ENTPD5: variants seen among roughly 807,000 people sequenced by gnomAD.
ENTPD5 encodes the protein nucleoside diphosphate phosphatase ENTPD5.
In ENTPD5, 49 loss-of-function variants were observed where a neutral mutation model predicts 60.2. That is an observed-to-expected ratio of 0.81 (90% confidence interval 0.65 to 1.03). ENTPD5 has a LOEUF of 1.03. Among genes scored for constraint, ENTPD5 ranks in the 50% least tolerant of loss-of-function variants. The probability of loss-of-function intolerance (pLI) is 0.00; values close to 1 mark genes in which losing one functional copy is unlikely to be tolerated. For synonymous variants in ENTPD5, 187 were observed against 185.4 expected, an observed-to-expected ratio of 1.01 and a Z score of -0.07; for missense variants, 480 against 507.6, an observed-to-expected ratio of 0.95 and a Z score of 0.52.
chr14:73,982,546 G>C (rs947399692), intron 6 of ENTPD5, among the ~76,000 whole-genome samples: 5 of 151,950 alleles, frequency 3.3e-5, no homozygotes, highest in Non-Finnish European at 7.4e-5. Context: ...CACGAGGTCA[G>C]GAGATCGAGA....
At chr14:73,995,085 A>G (rs2058291426) in intron 3 of ENTPD5, among the ~76,000 whole-genome samples, 2 of 146,180 alleles carry the variant, frequency 1.4e-5, no homozygotes, top group South Asian at 2.1e-4. Flanking sequence ...GTCTTGCTCT[A>G]TCACCCAGGC....
chr14:73,958,020 A>G (rs1594800418), downstream of ENTPD5: 1 of 811,234 alleles, frequency 1.2e-6, no homozygotes, highest in East Asian at 2.5e-5. Flanking sequence ...TTAATTACTG[A>G]TTTTTTTAAT....
downstream of ENTPD5, chr14:73,959,366 C>CAAGTGCA: frequency 6.2e-7 from 1 of 1,614,122 alleles, no homozygotes; most frequent in Non-Finnish European, 8.5e-7. Context: ...TGAGAGTTTC[C>CAAGTGCA]AAGTGCAGCA....
intron 3 of ENTPD5, among the ~76,000 whole-genome samples, chr14:74,007,987 T>G (rs1041693234): frequency 6.6e-6 from 1 of 151,724 alleles, no homozygotes; most frequent in Non-Finnish European, 1.5e-5. Context: ...CCCGCCACCA[T>G]GCTCAGCTAA....
chr14:74,017,175 G>T (rs766673430), intron 1 of ENTPD5, among the ~76,000 whole-genome samples: 2 of 152,058 alleles, frequency 1.3e-5, no homozygotes, highest in African/African-American at 2.4e-5. Flanking sequence ...AAAAGTAGCC[G>T]GGCATGGTGG....
Position 73,986,657 on chromosome 14 carries a change from G to A in ENTPD5, c.297+157C>T, listed in dbSNP as rs1304125049. ...CCCAGCCCTCATGAGCGTGGGAAAT[G>A]TAATTAATTTTATCCAGGAGATTAG... On this transcript the variant is annotated intron_variant, in intron 5 of 15. Transcript: ENST00000334696. The A allele has an allele frequency of 1.1e-5, 7 of 639,030 alleles. No individual in the cohort carries two copies. The East Asian group carries it at 1.9e-4, about 17-fold the overall frequency. 39.6% of individuals were successfully genotyped at this position (639,030 alleles called of 1,614,324 possible). A position where few individuals can be genotyped will look rare whatever the true frequency, so the allele number is the denominator to read the frequency against.
chr14:73,963,116 TC>T (rs768964719), downstream of ENTPD5: 9 of 913,266 alleles, frequency 9.9e-6, 1 homozygote, highest in East Asian at 2.4e-4. Context: ...ATTAAAATTC[TC>T]TTTTTCTTCT....
At position 73,993,903 on chromosome 14, in the gene ENTPD5, T is replaced by C. The variant is rs2058235861; in HGVS notation, c.-70-5731A>G. ...AAGGTGAAAAAAAACATCCTAGGTA[T>C]CTGTTTTCACGAAAAAACAAACAAA... On this transcript the variant is annotated intron_variant, in intron 3 of 15. Transcript: ENST00000334696. Among the ~76,000 whole-genome samples, 2 of 144,216 alleles carry C rather than the reference T, an allele frequency of 1.4e-5. 1 individual carries two copies. Among genetic ancestry groups the C allele is most frequent in the South Asian group, 4.5e-4 (2 of 4,400 alleles). The allele number at this position is 144,216 out of a possible 152,430, so 94.6% of individuals were successfully genotyped here.
downstream of ENTPD5, chr14:73,963,162 T>C (rs929222833): frequency 9.8e-6 from 7 of 717,520 alleles, no homozygotes; most frequent in African/African-American, 5.3e-5. Context: ...AAATAATGAA[T>C]GATAATTTGC....
intron 3 of ENTPD5, among the ~76,000 whole-genome samples, chr14:74,009,904 G>A (rs2058794871): frequency 1.3e-5 from 2 of 151,922 alleles, no homozygotes; most frequent in South Asian, 4.1e-4. Context: ...CCATTCTCCT[G>A]CCACAGCCTC....
chr14:73,988,400 A>G (rs2057992862), intron 3 of ENTPD5, among the ~76,000 whole-genome samples: 1 of 152,210 alleles, frequency 6.6e-6, no homozygotes, highest in Non-Finnish European at 1.5e-5. Context: ...GTTTTTAAAA[A>G]TACAGAGTAA....
intron 2 of ENTPD5, among the ~76,000 whole-genome samples, chr14:74,012,307 AT>A (rs1468738455): frequency 1.3e-5 from 2 of 151,606 alleles, no homozygotes; most frequent in African/African-American, 4.9e-5. Context: ...GGGTTTCATT[AT>A]GTTGGCCAGG....
chr14:74,014,121 T>A (rs61366903), intron 2 of ENTPD5, among the ~76,000 whole-genome samples: 20,815 of 152,122 alleles, frequency 0.14, 2,008 homozygotes, highest in East Asian at 0.57. Flanking sequence ...TGGGATATTT[T>A]GCAAATAAAG....
chr14:73,976,455 G>A, intron 8 of ENTPD5, 43 bp from the exon 9 acceptor site: 3 of 1,489,094 alleles, frequency 2.0e-6, no homozygotes, highest in South Asian at 1.1e-5. Flanking sequence ...GACATCCTGG[G>A]CAGCCCAACA....
intron 1 of ENTPD5, chr14:74,018,968 C>A: frequency 6.5e-6 from 1 of 154,084 alleles, no homozygotes; most frequent in Non-Finnish European, 1.4e-5. Context: ...GGGGCGAGGG[C>A]AAGGTAGCCG....
intron 15 of ENTPD5, among the ~76,000 whole-genome samples, chr14:73,969,704 C>CAAAAAAAAA (rs200213226): frequency 8.2e-6 from 1 of 122,594 alleles, no homozygotes. Context: ...GACTCCATCT[C>CAAAAAAAAA]AAAAAAATAA....
At chr14:73,992,845 A>T (rs2058193307) in intron 3 of ENTPD5, among the ~76,000 whole-genome samples, 1 of 151,604 alleles carries the variant, frequency 6.6e-6, no homozygotes, top group African/African-American at 2.4e-5. Flanking sequence ...TCTGCTAAAA[A>T]TACAAAAATT....
At chr14:73,961,989 C>A, downstream of ENTPD5, 2 of 1,509,818 alleles carry the variant, frequency 1.3e-6, no homozygotes, top group Non-Finnish European at 1.8e-6. Context: ...GTCTTATCGC[C>A]CAGGATGGAG....
chr14:73,999,763 G>C (rs2058449225), intron 3 of ENTPD5, among the ~76,000 whole-genome samples: 1 of 151,464 alleles, frequency 6.6e-6, no homozygotes, highest in African/African-American at 2.4e-5. Flanking sequence ...CTGCACTCTA[G>C]ACTGGGCAAC....
Sources: gnomAD v4.1 joint callset for allele counts (sites outside exome capture counted in the v4.1 genomes callset) on GRCh38, gnomAD v4.1.1 for gene constraint, MANE v1.5 for transcripts, NCBI Gene and HGNC (gene_info 2026-07-23, HGNC 2026-07-21) for gene names.